Variants in SAMMSON observed in about 807,000 individuals in gnomAD.
SAMMSON encodes the protein long intergenic non-protein coding RNA 1212.
chr3:70,095,467 A>G (rs1342359394), intron 4 of SAMMSON, among the ~76,000 whole-genome samples: 3 of 152,168 alleles, frequency 2.0e-5, no homozygotes, highest in Non-Finnish European at 4.4e-5. Context: ...TCCCTGCTCC[A>G]TCTCAAATCC....
intron 9 of SAMMSON, among the ~76,000 whole-genome samples, chr3:70,387,952 T>C (rs1384665858): frequency 3.5e-5 from 5 of 143,656 alleles, no homozygotes; most frequent in Admixed American, 1.5e-4. Flanking sequence ...GCTTAACCAT[T>C]GCTACTTTTG....
chr3:70,351,374 A>T (rs1475515334), intron 7 of SAMMSON, among the ~76,000 whole-genome samples: 3 of 152,134 alleles, frequency 2.0e-5, no homozygotes, highest in Admixed American at 6.6e-5. Context: ...ATAGTAAAAA[A>T]GATAAAGAAC....
chr3:70,274,406 A>T (rs139447768), intron 6 of SAMMSON, among the ~76,000 whole-genome samples: 1 of 152,314 alleles, frequency 6.6e-6, no homozygotes, highest in African/African-American at 2.4e-5. Context: ...ATGAGCACTG[A>T]TATATAATTT....
At chr3:70,256,433 A>G (rs1170959988) in intron 6 of SAMMSON, among the ~76,000 whole-genome samples, 1 of 152,230 alleles carries the variant, frequency 6.6e-6, no homozygotes, top group Admixed American at 6.5e-5. Context: ...ATAAAAGCTT[A>G]TGCTCTCAAT....
downstream of SAMMSON, among the ~76,000 whole-genome samples, chr3:70,390,419 G>A (rs1701034860): frequency 6.6e-6 from 1 of 152,098 alleles, no homozygotes; most frequent in South Asian, 2.1e-4. Context: ...GAAAAGAGAG[G>A]TTTAATTGGC....
intron 6 of SAMMSON, among the ~76,000 whole-genome samples, chr3:70,274,298 T>C (rs1702001679): frequency 1.3e-5 from 2 of 152,104 alleles, no homozygotes; most frequent in African/African-American, 4.8e-5. Flanking sequence ...TGATTGCAGA[T>C]AAATTATCAC....
chr3:70,417,740 C>T (rs1053290261), intron 2 of SAMMSON, among the ~76,000 whole-genome samples: 1 of 152,056 alleles, frequency 6.6e-6, no homozygotes, highest in Non-Finnish European at 1.5e-5. Flanking sequence ...ACACTTTGAT[C>T]ATGGAAAGAG....
intron 4 of SAMMSON, among the ~76,000 whole-genome samples, chr3:70,179,460 C>G (rs933550090): frequency 6.6e-5 from 10 of 152,192 alleles, no homozygotes; most frequent in African/African-American, 2.2e-4. Flanking sequence ...AGAAGCCCAG[C>G]GCCCTGCTCC....
In SAMMSON at chr3:70,428,195, G is replaced by A. The variant is rs1701386986; in HGVS notation, n.234-34365G>A. ...TCTCTCCAAATTGATCTAAAGATTG[G>A]ATGCAATCCATTTATAATGTTAACA... On this transcript the variant is annotated intron_variant and non_coding_transcript_variant, in intron 2 of 3. Coordinates refer to the SAMMSON transcript ENST00000641053. Among the ~76,000 whole-genome samples, 4 of 152,112 alleles carry A rather than the reference G, an allele frequency of 2.6e-5. No homozygotes were observed. The South Asian group carries it at 8.3e-4, about 31-fold the overall frequency.
chr3:70,052,601 A>G (rs897310428), intron 3 of SAMMSON, among the ~76,000 whole-genome samples: 10 of 152,098 alleles, frequency 6.6e-5, no homozygotes, highest in Non-Finnish European at 1.5e-4. Flanking sequence ...TGGTAAGTGG[A>G]ATTCTGGCAT....
intron 4 of SAMMSON, among the ~76,000 whole-genome samples, chr3:70,246,961 T>A (rs2106647066): frequency 6.6e-6 from 1 of 152,196 alleles, no homozygotes; most frequent in African/African-American, 2.4e-5. Flanking sequence ...GATGGAATAT[T>A]CATGAACAAT....
At chr3:70,372,781 T>C (rs912371216) in intron 9 of SAMMSON, among the ~76,000 whole-genome samples, 1 of 152,188 alleles carries the variant, frequency 6.6e-6, no homozygotes, top group Non-Finnish European at 1.5e-5. Context: ...CTTCAACTTA[T>C]GTGTAGTATG....
chr3:70,134,928 G>C (rs1378212403), intron 4 of SAMMSON, among the ~76,000 whole-genome samples: 1 of 152,040 alleles, frequency 6.6e-6, no homozygotes, highest in East Asian at 1.9e-4. Context: ...AAAAAGGTTT[G>C]AATAAAATTA....
chr3:70,182,345 G>T (rs917398756), intron 4 of SAMMSON, among the ~76,000 whole-genome samples: 1 of 152,122 alleles, frequency 6.6e-6, no homozygotes, highest in African/African-American at 2.4e-5. Context: ...TACAGTCTTC[G>T]TGAGCCCATA....
At chr3:70,092,891 C>T in intron 4 of SAMMSON, among the ~76,000 whole-genome samples, 1 of 139,836 alleles carries the variant, frequency 7.2e-6, no homozygotes, top group South Asian at 2.3e-4. Context: ...GATGTGTTGT[C>T]TAGTGTTTTT....
chr3:70,240,149 C>T (rs552244846), intron 4 of SAMMSON, among the ~76,000 whole-genome samples: 9 of 151,882 alleles, frequency 5.9e-5, no homozygotes, highest in African/African-American at 9.7e-5. Flanking sequence ...AAATAAGAGA[C>T]GTATTTTAAA....
intron 4 of SAMMSON, among the ~76,000 whole-genome samples, chr3:70,242,381 T>C (rs1271678558): frequency 6.6e-6 from 1 of 152,204 alleles, no homozygotes; most frequent in African/African-American, 2.4e-5. Context: ...TTTTTCCCAT[T>C]TGTGGAAAAT....
intron 4 of SAMMSON, among the ~76,000 whole-genome samples, chr3:70,204,119 G>C (rs1285211845): frequency 6.6e-6 from 1 of 152,144 alleles, no homozygotes; most frequent in Non-Finnish European, 1.5e-5. Context: ...CCTGTTTTAA[G>C]TGGGGCAATG....
chr3:70,192,756 A>G (rs1701140583), intron 4 of SAMMSON, among the ~76,000 whole-genome samples: 1 of 152,206 alleles, frequency 6.6e-6, no homozygotes, highest in Non-Finnish European at 1.5e-5. Flanking sequence ...CACATGTAAT[A>G]TTTGGGACAT....
Sources: gnomAD v4.1 joint callset for allele counts (sites outside exome capture counted in the v4.1 genomes callset) on GRCh38, gnomAD v4.1.1 for gene constraint, MANE v1.5 for transcripts, NCBI Gene and HGNC (gene_info 2026-07-23, HGNC 2026-07-21) for gene names.